Variants in SERPINB10 observed in about 807,000 individuals in gnomAD.
SERPINB10 encodes the protein serpin B10.
SERPINB10 carries 35 observed loss-of-function variants against 39.1 expected under a neutral mutation model. The observed-to-expected ratio is 0.90, with a 90% CI of 0.68 to 1.19. The LOEUF (loss-of-function observed/expected upper bound fraction) is 1.19, where lower values mean the gene tolerates loss of function less well. Among genes scored for constraint, SERPINB10 ranks in the 50% most tolerant of loss-of-function variants. SERPINB10 has a pLI of 0.00. For synonymous variants in SERPINB10, 190 were observed against 158.1 expected (o/e 1.20, Z -1.52); for missense variants, 546 against 460.5 (o/e 1.19, Z -1.70).
rs747186939 is a variant in SERPINB10, at chr18:63,930,105, T to G, written c.551T>G (p.Val184Gly). The G allele has an allele frequency of 3.7e-5, 59 of 1,613,492 alleles. No homozygotes were observed. Among genetic ancestry groups the G allele is most frequent in the Admixed American group, 2.0e-4 (12 of 59,896 alleles). ...GATTCCACAACCAGGATGATTCTGG[T>G]GAACGCCCTATACTTTAAAGGAATC... ...SVDSTTRMIL[V>G]NALYFKGIWE... is the part of the protein sequence containing the mutation. Residue 184 changes from valine (V) to glycine (G), a missense_variant, in exon 6 of 8, where the codon GTG becomes GGG. By Grantham distance (109) the Val-to-Gly change is moderately radical. Transcript: ENST00000238508.
At chr18:63,930,335 C>G (rs1458209543) in intron 6 of SERPINB10, 148 bp downstream of exon 6, 2 of 826,858 alleles carry the variant, frequency 2.4e-6, no homozygotes, top group Non-Finnish European at 3.7e-6. Flanking sequence ...GCCTTCAGTT[C>G]CATGGGGAAT....
chr18:63,919,372 A>G (rs1304595197), intron 4 of SERPINB10, among the ~76,000 whole-genome samples: 1 of 151,844 alleles, frequency 6.6e-6, no homozygotes, highest in African/African-American at 2.4e-5. Context: ...GAAGGAAGCT[A>G]CCAGTATCAC....
chr18:63,924,958 A>G (rs982813718), intron 5 of SERPINB10, among the ~76,000 whole-genome samples: 1 of 151,994 alleles, frequency 6.6e-6, no homozygotes, highest in African/African-American at 2.4e-5. Context: ...GTATACTTCG[A>G]CTATATATTT....
At chr18:63,934,558 T>C (rs2050247262) in intron 7 of SERPINB10, among the ~76,000 whole-genome samples, 1 of 152,236 alleles carries the variant, frequency 6.6e-6, no homozygotes, top group Non-Finnish European at 1.5e-5. Flanking sequence ...TTTATGTATT[T>C]GAGTGTATAG....
At position 63,919,905 on chromosome 18, in the gene SERPINB10, G is replaced by A. The variant is rs775005088; in HGVS notation, c.490G>A (p.Gly164Ser). The change falls in exon 5 of 8, where the codon GGT becomes AGT. Residue 164 changes from glycine to serine, a missense_variant and splice_region_variant. Gly to Ser is a moderately conservative substitution (Grantham distance 56). Transcript: ENST00000238508. The stretch of plus-strand genomic sequence containing the variant: ...CTCTTGGGTTGAAAGACAGACCGAG[G>A]GTAAGCTTTCACCAAGGGGTTTGGC... ...INSWVERQTEGKIQNLLPDDS... is the reference protein window; with the variant it reads ...INSWVERQTESKIQNLLPDDS... 19 of 1,591,108 alleles carry A rather than the reference G, an allele frequency of 1.2e-5. No homozygotes were observed. The highest frequency in any genetic ancestry group is 1.6e-5 in the Non-Finnish European group (19 of 1,167,132).
At chr18:63,924,071 C>T (rs989464827) in intron 5 of SERPINB10, among the ~76,000 whole-genome samples, 13 of 151,906 alleles carry the variant, frequency 8.6e-5, no homozygotes, top group Non-Finnish European at 1.9e-4. Context: ...AATTCTGCTT[C>T]CTGTTAGTGC....
chr18:63,911,915 A>T (rs1222884538), intron 1 of SERPINB10, among the ~76,000 whole-genome samples: 2 of 147,238 alleles, frequency 1.4e-5, no homozygotes, highest in Non-Finnish European at 3.0e-5. Flanking sequence ...TGAGCATGGA[A>T]TGTTTTTCCA....
intron 2 of SERPINB10, among the ~76,000 whole-genome samples, chr18:63,916,299 A>C (rs1339364868): frequency 6.6e-6 from 1 of 151,592 alleles, no homozygotes; most frequent in Non-Finnish European, 1.5e-5. Flanking sequence ...AATATATATG[A>C]ATACATATAT....
At chr18:63,919,158 C>A (rs745353312) in intron 4 of SERPINB10, among the ~76,000 whole-genome samples, 4 of 151,466 alleles carry the variant, frequency 2.6e-5, no homozygotes, top group Non-Finnish European at 5.9e-5. Context: ...GCCTCCATAA[C>A]AGCAAACTCA....
At position 63,935,228 on chromosome 18, in the gene SERPINB10, T is replaced by G. The variant is rs778103843; in HGVS notation, c.1180T>G (p.Leu394Val). 1.1e-5 allele frequency: 18 copies of G among 1,590,224 alleles called. No homozygotes were observed. In the East Asian group the frequency reaches 4.0e-4, roughly 36 times the overall value. Reference sequence around the variant, plus strand: ...CAACACCATTCTTTTTTATGGAAGATTATGCTCCCCCTAAATCCTGCATAT... The same window carrying G: ...CAACACCATTCTTTTTTATGGAAGAGTATGCTCCCCCTAAATCCTGCATAT... ...KTNTILFYGR[L>V]CSP The change falls in exon 8 of 8, where the codon TTA (leucine) becomes GTA (valine). Residue 394 changes from leucine to valine, a missense_variant. Leu to Val is a conservative substitution (Grantham distance 32). Transcript: ENST00000238508.
intron 4 of SERPINB10, 100 bp from the exon 5 acceptor site, chr18:63,919,688 C>G: frequency 1.4e-6 from 1 of 735,326 alleles, no homozygotes; most frequent in Non-Finnish European, 2.3e-6. Flanking sequence ...TGGGAGTGTG[C>G]AATTGCCCGC....
intron 5 of SERPINB10, among the ~76,000 whole-genome samples, chr18:63,923,671 G>T (rs2050161409): frequency 6.6e-6 from 1 of 151,712 alleles, no homozygotes; most frequent in Admixed American, 6.6e-5. Context: ...TAAATATAAA[G>T]GCCTTTAGGT....
intron 5 of SERPINB10, among the ~76,000 whole-genome samples, chr18:63,928,743 C>T (rs561631276): frequency 4.0e-5 from 6 of 151,804 alleles, no homozygotes; most frequent in Non-Finnish European, 8.8e-5. Flanking sequence ...TGTAGTTCTC[C>T]TTGAAGAGGT....
intron 5 of SERPINB10, among the ~76,000 whole-genome samples, chr18:63,922,239 T>A (rs1293407230): frequency 6.6e-6 from 1 of 151,962 alleles, no homozygotes; most frequent in Non-Finnish European, 1.5e-5. Context: ...AGCCCATGAC[T>A]CAAAAGCCGT....
At chr18:63,928,660 A>G (rs2050197248) in intron 5 of SERPINB10, among the ~76,000 whole-genome samples, 1 of 152,060 alleles carries the variant, frequency 6.6e-6, no homozygotes, top group Non-Finnish European at 1.5e-5. Context: ...CACGATATTG[A>G]TTCTTCCTAC....
In SERPINB10 at chr18:63,917,470, C is replaced by G. The variant is rs1296967202; in HGVS notation, c.183C>G (p.Asn61Lys). ...AAQMAQVLQF[N>K]RDQGVKCDPE... ...TGAAATTACAGGTGCTTCAATTTAACAGAGACCAGGGAGTCAAATGTGACC... is the reference window on the plus strand; with the variant it reads ...TGAAATTACAGGTGCTTCAATTTAAGAGAGACCAGGGAGTCAAATGTGACC... Residue 61 changes from asparagine (N) to lysine (K), a missense_variant, in exon 3 of 8, where the codon AAC (asparagine) becomes AAG (lysine). Asn to Lys is a moderately conservative substitution (Grantham distance 94, BLOSUM62 0). Coordinates refer to ENST00000238508, the MANE Select transcript of SERPINB10 (RefSeq NM_005024.3). The G allele has an allele frequency of 1.3e-6, 2 of 1,576,304 alleles. No individual in the cohort carries two copies. The highest frequency in any genetic ancestry group is 1.7e-6 in the Non-Finnish European group (2 of 1,160,640).
chr18:63,933,974 G>A (rs888029489), intron 7 of SERPINB10, among the ~76,000 whole-genome samples: 16 of 152,168 alleles, frequency 1.1e-4, no homozygotes, highest in African/African-American at 3.6e-4. Flanking sequence ...TTGTGAAACT[G>A]GAGAGGATAG....
Position 63,935,363 on chromosome 18 carries a change from T to A in SERPINB10, c.*121T>A. 1 of 957,096 alleles carries A rather than the reference T, an allele frequency of 1.0e-6. No individual in the cohort carries two copies. The allele number at this position is 957,096 out of a possible 1,614,324, so 59.3% of individuals were successfully genotyped here. On this transcript the variant is annotated 3_prime_UTR_variant, in exon 8 of 8. Transcript: ENST00000238508. The stretch of plus-strand genomic sequence containing the variant: ...TCTAAACCTTTTTCACATTTGAATA[T>A]AAGTAAATAGATCTTGAAATAATGC...
At chr18:63,921,680 T>G (rs2050147744) in intron 5 of SERPINB10, among the ~76,000 whole-genome samples, 1 of 151,890 alleles carries the variant, frequency 6.6e-6, no homozygotes, top group African/African-American at 2.4e-5. Context: ...ACTTCTCTAC[T>G]CAAAACTGAT....
Sources: allele counts gnomAD v4.1 joint callset (sites outside exome capture counted in the v4.1 genomes callset), GRCh38; gene constraint gnomAD v4.1.1; transcripts MANE v1.5; gene names NCBI Gene and HGNC (gene_info 2026-07-23, HGNC 2026-07-21).